VAMP4: variants seen among roughly 807,000 people sequenced by gnomAD.
VAMP4 encodes vesicle associated membrane protein 4, also known as vesicle-associated membrane protein 4.
A neutral mutation model predicts 23.5 loss-of-function variants in VAMP4; 19 were observed. The ratio of observed to expected loss-of-function variants is 0.81; its 90% CI spans 0.56 to 1.19. The LOEUF (loss-of-function observed/expected upper bound fraction) is 1.19. VAMP4 is among the 50% of genes most tolerant of loss of function. The pLI is 0.00. For missense variants in VAMP4, 145 were observed against 168.6 expected (o/e 0.86, Z 0.78); for synonymous variants, 31 against 51.0 (o/e 0.61, Z 1.67).
At chr1:171,731,227 G>A (rs1655555364) in intron 2 of VAMP4, among the ~76,000 whole-genome samples, 1 of 152,108 alleles carries the variant, frequency 6.6e-6, no homozygotes, top group South Asian at 2.1e-4. Flanking sequence ...GAGAACACAT[G>A]GACACAGGAA....
chr1:171,710,925 A>G (rs1342897155), intron 4 of VAMP4, 111 bp from the exon 5 acceptor site: 5 of 745,016 alleles, frequency 6.7e-6, no homozygotes, highest in South Asian at 2.1e-5. Flanking sequence ...GAATTATTCA[A>G]CTATAAAATT....
chr1:171,704,342 A>T lies in VAMP4; in HGVS notation c.*164T>A, dbSNP rs1654578539. 5 of 429,100 alleles carry T rather than the reference A, an allele frequency of 1.2e-5. No homozygotes were observed. The Middle Eastern group carries it at 9.7e-4, about 84-fold the overall frequency. 26.6% of individuals were successfully genotyped at this position (429,100 alleles called of 1,614,324 possible). A position where few individuals can be genotyped will look rare whatever the true frequency, so the allele number is the denominator to read the frequency against. ...AAGAACATTTTGTTAGAAAGGGAGA[A>T]GATAATTGGACATTCTCAACGTTCC... On this transcript the variant is annotated 3_prime_UTR_variant, in exon 8 of 8. Transcript: ENST00000236192.
Position 171,719,638 on chromosome 1 carries a change from GAGGAA to G in VAMP4, c.114-422_114-418del, listed in dbSNP as rs879462753. On this transcript the variant is annotated intron_variant, in intron 3 of 7. Transcript: ENST00000236192. ...TCTTGAATTTAGACTATAATGAAATGAGGAAACTACAAAGTGAACTGCCGATTGAC... is the reference window on the plus strand; with the variant it reads ...TCTTGAATTTAGACTATAATGAAATGACTACAAAGTGAACTGCCGATTGAC... Among the ~76,000 whole-genome samples, 1,206 of 152,162 alleles carry G rather than the reference GAGGAA, an allele frequency of 7.9e-3. 7 individuals are homozygous for G. The highest frequency in any genetic ancestry group is 0.013 in the Non-Finnish European group (893 of 67,946).
chr1:171,730,659 T>C (rs2124864607), intron 2 of VAMP4, among the ~76,000 whole-genome samples: 1 of 147,018 alleles, frequency 6.8e-6, no homozygotes, highest in South Asian at 2.1e-4. Context: ...ACCATTAAAA[T>C]ATAAAGTTAG....
chr1:171,722,771 G>A (rs1195576828), intron 3 of VAMP4, among the ~76,000 whole-genome samples: 1 of 152,294 alleles, frequency 6.6e-6, no homozygotes, highest in East Asian at 1.9e-4. Flanking sequence ...TGCTGGAGAG[G>A]ATGTGGAGAA....
chr1:171,702,641 A>C lies in VAMP4; in HGVS notation c.*1865T>G, dbSNP rs1654484738. The C allele has an allele frequency of 6.6e-6, 1 of 151,968 alleles. No homozygotes were observed. Among genetic ancestry groups the C allele is most frequent in the African/African-American group, 2.4e-5 (1 of 41,434 alleles). 9.4% of individuals were successfully genotyped at this position (151,968 alleles called of 1,614,324 possible). ...GACATACATACAAATGTTAGGACTGATTCTGTCCATTCAGTTAAAATATTT... is the reference window on the plus strand; with the variant it reads ...GACATACATACAAATGTTAGGACTGCTTCTGTCCATTCAGTTAAAATATTT... On this transcript the variant is annotated 3_prime_UTR_variant, in exon 8 of 8. Transcript: ENST00000236192.
chr1:171,740,030 T>G (rs1298384379), intron 1 of VAMP4, among the ~76,000 whole-genome samples: 1 of 152,236 alleles, frequency 6.6e-6, no homozygotes, highest in African/African-American at 2.4e-5. Context: ...TACTATGTGC[T>G]AGGCACGGTG....
intron 3 of VAMP4, among the ~76,000 whole-genome samples, chr1:171,722,903 GGGCATATACCCAAA>G (rs142293124): frequency 0.17 from 26,060 of 151,870 alleles, 2,289 homozygotes; most frequent in Middle Eastern, 0.24. Flanking sequence ...TCCCATTACT[GGGCATATACCCAAA>G]GGATTATATC....
In VAMP4 at chr1:171,703,040, A is replaced by G. The variant is rs2124831877; in HGVS notation, c.*1466T>C. ...CAAACCCAGATTCTATGCTTTATTC[A>G]TTTTGCATTAAGATGACCAAAGAAA... On this transcript the variant is annotated 3_prime_UTR_variant, in exon 8 of 8. Transcript: ENST00000236192. 1 of 152,040 alleles carries G rather than the reference A, an allele frequency of 6.6e-6. No individual in the cohort carries two copies. The highest frequency in any genetic ancestry group is 1.9e-4 in the East Asian group (1 of 5,182). 9.4% of individuals were successfully genotyped at this position (152,040 alleles called of 1,614,324 possible).
At chr1:171,741,349 T>C (rs1655918605) in intron 1 of VAMP4, among the ~76,000 whole-genome samples, 1 of 152,172 alleles carries the variant, frequency 6.6e-6, no homozygotes, top group African/African-American at 2.4e-5. Context: ...TTCACAGAAA[T>C]AAAGTGACTT....
At chr1:171,717,808 T>C (rs999000150) in intron 4 of VAMP4, among the ~76,000 whole-genome samples, 26 of 152,304 alleles carry the variant, frequency 1.7e-4, no homozygotes, top group African/African-American at 6.0e-4. Flanking sequence ...CTTTGGCTAC[T>C]CTTCCTTTTA....
intron 2 of VAMP4, among the ~76,000 whole-genome samples, chr1:171,731,093 A>C (rs1247477938): frequency 6.6e-6 from 1 of 152,074 alleles, no homozygotes; most frequent in African/African-American, 2.4e-5. Context: ...TTCAATATTC[A>C]TTTAACAAGT....
chr1:171,709,547 G>C (rs776225814), intron 6 of VAMP4, 118 bp downstream of exon 6: 39 of 807,970 alleles, frequency 4.8e-5, no homozygotes, highest in Non-Finnish European at 7.2e-5. Flanking sequence ...CCATGTCTCA[G>C]GACAGTTATA....
At chr1:171,732,697 T>C (rs962322745) in intron 2 of VAMP4, among the ~76,000 whole-genome samples, 1 of 152,172 alleles carries the variant, frequency 6.6e-6, no homozygotes, top group Admixed American at 6.5e-5. Flanking sequence ...AATGGGACCT[T>C]AGACATATTT....
chr1:171,704,654 A>C, intron 7 of VAMP4, 120 bp from the exon 8 acceptor site: 1 of 662,232 alleles, frequency 1.5e-6, no homozygotes, highest in Non-Finnish European at 2.2e-6. Flanking sequence ...GGATTGACTG[A>C]ACTTTTATCT....
rs1051829341 is a variant in VAMP4, at chr1:171,700,193, T to C, written c.*4313A>G. ...TTCTATGAAATAGTTTATTTCATTG[T>C]TCACTATGGAGGGGCTACAAATACA... is the stretch of plus-strand genomic sequence containing the variant. On this transcript the variant is annotated 3_prime_UTR_variant, in exon 8 of 8. Coordinates refer to ENST00000236192, the MANE Select transcript of VAMP4 (RefSeq NM_003762.5). 5 of 152,212 alleles carry C rather than the reference T, an allele frequency of 3.3e-5. No homozygotes were observed. Among genetic ancestry groups the C allele is most frequent in the Non-Finnish European group, 5.9e-5 (4 of 68,034 alleles). The allele number at this position is 152,212 out of a possible 1,614,324, so 9.4% of individuals were successfully genotyped here.
intron 2 of VAMP4, among the ~76,000 whole-genome samples, chr1:171,732,937 G>A (rs1261222030): frequency 1.3e-5 from 2 of 152,042 alleles, no homozygotes; most frequent in East Asian, 3.9e-4. Flanking sequence ...CCTGATGTCT[G>A]TATTATATAA....
intron 4 of VAMP4, among the ~76,000 whole-genome samples, chr1:171,713,045 A>G (rs1275482717): frequency 3.9e-5 from 6 of 152,318 alleles, no homozygotes; most frequent in Admixed American, 3.3e-4. Flanking sequence ...AAGCTCAATG[A>G]ATGCAGTGAC....
chr1:171,713,120 T>C (rs1255752789), intron 4 of VAMP4, among the ~76,000 whole-genome samples: 1 of 152,142 alleles, frequency 6.6e-6, no homozygotes, highest in Admixed American at 6.6e-5. Context: ...AGAGTGGCCA[T>C]TCAATAAATA....
Sources: allele counts gnomAD v4.1 joint callset (sites outside exome capture counted in the v4.1 genomes callset), GRCh38; gene constraint gnomAD v4.1.1; transcripts MANE v1.5; gene names NCBI Gene and HGNC (gene_info 2026-07-23, HGNC 2026-07-21).